DAB1: variants seen among roughly 807,000 people sequenced by gnomAD.
DAB1 encodes the protein disabled homolog 1.
A neutral mutation model predicts 64.6 loss-of-function variants in DAB1; 15 were observed. The ratio of observed to expected loss-of-function variants is 0.23; its 90% CI spans 0.16 to 0.36. DAB1 has a LOEUF of 0.36. Ranked by LOEUF, DAB1 falls within the 10% of genes least tolerant of loss-of-function variation. DAB1 has a pLI of 1.00. For missense variants in DAB1, 596 were observed against 706.7 expected (o/e 0.84, Z 1.78); for synonymous variants, 235 against 251.9 (o/e 0.93, Z 0.64).
intron 1 of DAB1, among the ~76,000 whole-genome samples, chr1:57,343,690 G>T (rs1321180634): frequency 6.6e-6 from 1 of 152,070 alleles, no homozygotes; most frequent in Admixed American, 6.5e-5. Context: ...GGGGCCGGCC[G>T]GCCGCTCCAA....
intron 1 of DAB1, among the ~76,000 whole-genome samples, chr1:58,544,397 T>C (rs1229088360): frequency 6.6e-6 from 1 of 151,964 alleles, no homozygotes; most frequent in Non-Finnish European, 1.5e-5. Context: ...AATGAGAAAA[T>C]ATGCTAGTAT....
At chr1:57,755,802 C>T (rs572114383) in intron 6 of DAB1, among the ~76,000 whole-genome samples, 20 of 152,274 alleles carry the variant, frequency 1.3e-4, no homozygotes, top group East Asian at 3.9e-4. Context: ...CATGCTGCCA[C>T]GTACAGAGCT....
intron 7 of DAB1, among the ~76,000 whole-genome samples, chr1:57,454,572 G>C (rs982177105): frequency 1.3e-5 from 2 of 152,014 alleles, no homozygotes; most frequent in African/African-American, 4.8e-5. Context: ...TTAGTACCTG[G>C]GTGATGACAT....
intron 4 of DAB1, among the ~76,000 whole-genome samples, chr1:58,201,828 C>T (rs1217250926): frequency 6.6e-6 from 1 of 152,094 alleles, no homozygotes; most frequent in Non-Finnish European, 1.5e-5. Flanking sequence ...TGTTTTAATT[C>T]TTTGTTTTCA....
At chr1:57,643,067 G>A (rs1206652257) in intron 7 of DAB1, among the ~76,000 whole-genome samples, 3 of 152,232 alleles carry the variant, frequency 2.0e-5, no homozygotes, top group Admixed American at 6.5e-5. Context: ...ATATAAATGT[G>A]TGCAGGGGAG....
chr1:57,490,573 C>T (rs1306518225), intron 7 of DAB1, among the ~76,000 whole-genome samples: 2 of 152,090 alleles, frequency 1.3e-5, no homozygotes, highest in Admixed American at 1.3e-4. Context: ...AGTGTTTTCT[C>T]CTAAACCCTC....
At chr1:58,147,834 A>G (rs1361611622) in intron 5 of DAB1, among the ~76,000 whole-genome samples, 4 of 152,138 alleles carry the variant, frequency 2.6e-5, no homozygotes, top group Admixed American at 1.3e-4. Flanking sequence ...TATTAAGTCC[A>G]TTTTGCAGTA....
intron 2 of DAB1, among the ~76,000 whole-genome samples, chr1:57,158,050 A>G (rs185099066): frequency 1.3e-5 from 2 of 152,232 alleles, no homozygotes; most frequent in Non-Finnish European, 2.9e-5. Flanking sequence ...GTGTATAAGC[A>G]AGTTAAAGTT....
chr1:58,426,799 T>TA (rs1350473288), intron 3 of DAB1, among the ~76,000 whole-genome samples: 1 of 152,070 alleles, frequency 6.6e-6, no homozygotes, highest in Non-Finnish European at 1.5e-5. Context: ...AAAATAAAAT[T>TA]AAAAAATAAA....
intron 1 of DAB1, among the ~76,000 whole-genome samples, chr1:58,541,097 G>C (rs987674476): frequency 1.5e-5 from 1 of 64,856 alleles, no homozygotes; most frequent in Non-Finnish European, 3.4e-5. Flanking sequence ...ATCATTTGAG[G>C]TCAGGCATTC....
intron 1 of DAB1, among the ~76,000 whole-genome samples, chr1:57,861,329 G>A (rs763435323): frequency 3.9e-5 from 6 of 152,222 alleles, no homozygotes; most frequent in Non-Finnish European, 8.8e-5. Context: ...CTGGAAGCCT[G>A]AGATCAGGGT....
intron 7 of DAB1, among the ~76,000 whole-genome samples, chr1:57,643,573 C>T (rs1646156392): frequency 6.6e-6 from 1 of 152,150 alleles, no homozygotes; most frequent in Non-Finnish European, 1.5e-5. Context: ...TTTTTACATA[C>T]ACTCTTATTC....
At chr1:57,821,295 T>G (rs1015118140), downstream of DAB1, among the ~76,000 whole-genome samples, 3 of 152,028 alleles carry the variant, frequency 2.0e-5, no homozygotes, top group African/African-American at 2.4e-5. Flanking sequence ...AAGGAAGAGA[T>G]AGAGGGCATA....
intron 4 of DAB1, among the ~76,000 whole-genome samples, chr1:58,226,344 G>GT (rs144121265): frequency 8.6e-5 from 13 of 151,204 alleles, no homozygotes; most frequent in African/African-American, 2.7e-4. Flanking sequence ...TATGGCACTA[G>GT]TTTTTTTTCA....
At chr1:57,417,981 G>A (rs755049440) in intron 1 of DAB1, among the ~76,000 whole-genome samples, 5 of 152,110 alleles carry the variant, frequency 3.3e-5, no homozygotes, top group African/African-American at 9.7e-5. Context: ...TCCAGGTAGA[G>A]TAAATTACCA....
intron 4 of DAB1, among the ~76,000 whole-genome samples, chr1:57,075,591 C>T (rs569028486): frequency 3.8e-4 from 58 of 152,274 alleles, no homozygotes; most frequent in African/African-American, 1.3e-3. Context: ...TTATCACATT[C>T]GCTTTAGAAA....
chr1:58,504,769 C>T (rs986054118), intron 3 of DAB1, among the ~76,000 whole-genome samples: 3 of 152,090 alleles, frequency 2.0e-5, no homozygotes, highest in South Asian at 2.1e-4. Context: ...AACTGCATAC[C>T]GTTTTTATTT....
Position 57,107,377 on chromosome 1 carries a change from TA to T in DAB1, c.306+29165del, listed in dbSNP as rs57669509. Among the ~76,000 whole-genome samples, 274 of 139,088 alleles carry T rather than the reference TA, an allele frequency of 2.0e-3. 1 individual carries two copies. Among genetic ancestry groups the T allele is most frequent in the African/African-American group, 3.1e-3 (117 of 37,218 alleles). 91.2% of individuals were successfully genotyped at this position (139,088 alleles called of 152,430 possible). ...GTGACAGACTGAGACTCTGTTTCAT[TA>T]AAAAAAAAAAAAAAAAAAATCAACC... On this transcript the variant is annotated intron_variant, in intron 4 of 14. Coordinates refer to ENST00000371236, the MANE Select transcript of DAB1 (RefSeq NM_001365792.1).
intron 2 of DAB1, among the ~76,000 whole-genome samples, chr1:57,266,688 C>T (rs1338184030): frequency 6.6e-6 from 1 of 152,076 alleles, no homozygotes; most frequent in Non-Finnish European, 1.5e-5. Flanking sequence ...TGTCCAATGG[C>T]AGACAGGTAC....
Sources: allele counts gnomAD v4.1 joint callset (sites outside exome capture counted in the v4.1 genomes callset), GRCh38; gene constraint gnomAD v4.1.1; transcripts MANE v1.5; gene names NCBI Gene and HGNC (gene_info 2026-07-23, HGNC 2026-07-21).